The following PDZRN4 variants were observed in gnomAD, a reference collection of about 807,000 sequenced individuals.
The protein encoded by PDZRN4 is PDZ domain-containing RING finger protein 4.
PDZRN4 carries 70 observed loss-of-function variants against 99.0 expected under a neutral mutation model. That is an observed-to-expected ratio of 0.71 (90% CI 0.58 to 0.86). PDZRN4 has a LOEUF of 0.86. Ranked by LOEUF, PDZRN4 falls within the 40% of genes least tolerant of loss-of-function variation. The pLI is 0.00. For missense variants in PDZRN4, 1,474 were observed against 1,331.2 expected (o/e 1.11, Z -1.67); for synonymous variants, 551 against 501.6 (o/e 1.10, Z -1.32).
intron 5 of PDZRN4, among the ~76,000 whole-genome samples, chr12:41,522,190 G>T (rs1938504102): frequency 6.6e-6 from 1 of 152,126 alleles, no homozygotes; most frequent in Non-Finnish European, 1.5e-5. Context: ...CTGATTCCCT[G>T]TGTGGAGACA....
At chr12:41,538,134 T>G (rs946432719) in intron 5 of PDZRN4, among the ~76,000 whole-genome samples, 8 of 152,206 alleles carry the variant, frequency 5.3e-5, no homozygotes, top group Non-Finnish European at 1.2e-4. Flanking sequence ...AAAATAATGC[T>G]TATTTTTCTA....
chr12:41,569,120 T>C (rs972468469), intron 9 of PDZRN4, among the ~76,000 whole-genome samples: 1 of 148,138 alleles, frequency 6.8e-6, no homozygotes, highest in African/African-American at 2.5e-5. Context: ...TTATTATCAT[T>C]ATTATTATTA....
At chr12:41,295,106 C>T (rs1951482915) in intron 3 of PDZRN4, among the ~76,000 whole-genome samples, 1 of 152,052 alleles carries the variant, frequency 6.6e-6, no homozygotes, top group African/African-American at 2.4e-5. Context: ...ACTGGAATTC[C>T]ATACCCAGTC....
intron 5 of PDZRN4, among the ~76,000 whole-genome samples, chr12:41,516,104 A>G (rs1592093521): frequency 6.6e-6 from 1 of 151,648 alleles, no homozygotes; most frequent in African/African-American, 2.4e-5. Flanking sequence ...GTCAAGCATC[A>G]CTCCATCAGA....
At chr12:41,232,710 G>T (rs375819624) in intron 3 of PDZRN4, among the ~76,000 whole-genome samples, 1 of 151,954 alleles carries the variant, frequency 6.6e-6, no homozygotes, top group Admixed American at 6.6e-5. Context: ...TTTTGTTGCC[G>T]TTGCTTTTGG....
At chr12:41,428,632 G>GT (rs377658421) in intron 3 of PDZRN4, among the ~76,000 whole-genome samples, 1 of 152,192 alleles carries the variant, frequency 6.6e-6, no homozygotes, top group African/African-American at 2.4e-5. Flanking sequence ...GTGTGCAAGT[G>GT]TATATGTATG....
At chr12:41,513,346 T>C (rs1434620907) in intron 5 of PDZRN4, among the ~76,000 whole-genome samples, 2 of 152,052 alleles carry the variant, frequency 1.3e-5, no homozygotes, top group Non-Finnish European at 2.9e-5. Flanking sequence ...CTATCACCAA[T>C]TTCCTAAGAA....
chr12:41,255,075 GA>G (rs1184472385), intron 3 of PDZRN4, among the ~76,000 whole-genome samples: 3 of 152,140 alleles, frequency 2.0e-5, no homozygotes, highest in Non-Finnish European at 4.4e-5. Flanking sequence ...AAGAGAAAAA[GA>G]AAAGAAAACG....
intron 5 of PDZRN4, among the ~76,000 whole-genome samples, chr12:41,548,969 G>C (rs899982287): frequency 6.6e-6 from 1 of 152,078 alleles, no homozygotes; most frequent in African/African-American, 2.4e-5. Context: ...GCTGAAGTTT[G>C]ATTTTTTTTA....
At chr12:41,261,104 T>C (rs995447751) in intron 3 of PDZRN4, among the ~76,000 whole-genome samples, 1 of 152,174 alleles carries the variant, frequency 6.6e-6, no homozygotes, top group Non-Finnish European at 1.5e-5. Context: ...TTAAAAGACA[T>C]AGGATTCTCT....
At chr12:41,546,857 G>A (rs895036885) in intron 5 of PDZRN4, among the ~76,000 whole-genome samples, 2 of 152,070 alleles carry the variant, frequency 1.3e-5, no homozygotes, top group Admixed American at 6.5e-5. Flanking sequence ...TTAAAATAAG[G>A]CAACTATGAA....
At chr12:41,499,028 C>T (rs771675295) in intron 3 of PDZRN4, among the ~76,000 whole-genome samples, 33 of 151,994 alleles carry the variant, frequency 2.2e-4, no homozygotes, top group Non-Finnish European at 3.5e-4. Flanking sequence ...AACTTACAAA[C>T]GCATGAGCAG....
At chr12:41,506,340 A>C in intron 3 of PDZRN4, 116 bp from the exon 4 acceptor site, 1 of 865,924 alleles carries the variant, frequency 1.2e-6, no homozygotes, top group South Asian at 2.0e-5. Context: ...TAAATATTCC[A>C]TTACAAAATT....
intron 3 of PDZRN4, among the ~76,000 whole-genome samples, chr12:41,317,368 G>A (rs2120965847): frequency 6.6e-6 from 1 of 152,034 alleles, no homozygotes; most frequent in Non-Finnish European, 1.5e-5. Flanking sequence ...GGGAAGGTCA[G>A]TCTTTTTTCT....
At chr12:41,245,839 C>T (rs1161790565) in intron 3 of PDZRN4, among the ~76,000 whole-genome samples, 1 of 152,174 alleles carries the variant, frequency 6.6e-6, no homozygotes, top group Non-Finnish European at 1.5e-5. Flanking sequence ...GGCAGCCCCA[C>T]CCTTATGTCA....
intron 3 of PDZRN4, chr12:41,409,346 C>CA (rs1230973903): frequency 4.0e-5 from 6 of 149,496 alleles, no homozygotes; most frequent in African/African-American, 4.9e-5. Context: ...GCAAAATTCC[C>CA]AAAAAAAAAG....
intron 5 of PDZRN4, among the ~76,000 whole-genome samples, chr12:41,511,643 A>G (rs1366152382): frequency 6.6e-6 from 1 of 152,140 alleles, no homozygotes; most frequent in Non-Finnish European, 1.5e-5. Context: ...GAGTGGAGGC[A>G]TGGGAGAATA....
intron 3 of PDZRN4, among the ~76,000 whole-genome samples, chr12:41,302,119 TAC>T (rs1951540391): frequency 6.6e-6 from 1 of 152,040 alleles, no homozygotes; most frequent in Non-Finnish European, 1.5e-5. Flanking sequence ...TGCATATGCA[TAC>T]ACACATGTGT....
At chr12:41,408,823 C>G (rs924001488) in intron 3 of PDZRN4, among the ~76,000 whole-genome samples, 14 of 152,056 alleles carry the variant, frequency 9.2e-5, no homozygotes, top group Admixed American at 4.6e-4. Flanking sequence ...TGCGCTCTCT[C>G]TCTCACTCTC....
Sources: gnomAD v4.1 joint callset for allele counts (sites outside exome capture counted in the v4.1 genomes callset) on GRCh38, gnomAD v4.1.1 for gene constraint, MANE v1.5 for transcripts, NCBI Gene and HGNC (gene_info 2026-07-23, HGNC 2026-07-21) for gene names.